Variants in PTPRD observed in about 807,000 individuals in gnomAD.
The protein encoded by PTPRD is receptor-type tyrosine-protein phosphatase delta.
PTPRD carries 34 observed loss-of-function variants against 214.5 expected under a neutral mutation model. The ratio of observed to expected loss-of-function variants is 0.16; its 90% CI spans 0.12 to 0.21. PTPRD has a LOEUF of 0.21. Among genes scored for constraint, PTPRD ranks in the 10% least tolerant of loss-of-function variants. The pLI, the probability that PTPRD is intolerant of heterozygous loss-of-function variation, is 1.00. For missense variants in PTPRD, 2,545 were observed against 2,398.7 expected, an observed-to-expected ratio of 1.06 and a Z score of -1.27; for synonymous variants, 1,128 against 845.7, an observed-to-expected ratio of 1.33 and a Z score of -5.79.
At chr9:10,129,377 A>G (rs1390316444) in intron 3 of PTPRD, among the ~76,000 whole-genome samples, 2 of 152,126 alleles carry the variant, frequency 1.3e-5, no homozygotes, top group Non-Finnish European at 2.9e-5. Context: ...TCTTAATTTC[A>G]AAACTTAATA....
At chr9:8,683,883 G>A (rs1056522600) in intron 12 of PTPRD, among the ~76,000 whole-genome samples, 9 of 152,252 alleles carry the variant, frequency 5.9e-5, no homozygotes, top group Non-Finnish European at 1.2e-4. Context: ...CAACTACTCC[G>A]AAGCTGCCAT....
At chr9:8,815,190 A>G (rs2096896295) in intron 11 of PTPRD, among the ~76,000 whole-genome samples, 1 of 152,074 alleles carries the variant, frequency 6.6e-6, no homozygotes, top group Admixed American at 6.6e-5. Flanking sequence ...TATAGAGTAG[A>G]AGCAGGCATT....
At chr9:10,359,848 T>G (rs529986017) in intron 2 of PTPRD, among the ~76,000 whole-genome samples, 1 of 152,288 alleles carries the variant, frequency 6.6e-6, no homozygotes, top group African/African-American at 2.4e-5. Context: ...TTTTAAAAGT[T>G]GAGATGTAAT....
chr9:9,584,854 C>T (rs1416163134), intron 7 of PTPRD, among the ~76,000 whole-genome samples: 1 of 151,930 alleles, frequency 6.6e-6, no homozygotes, highest in Non-Finnish European at 1.5e-5. Flanking sequence ...AGTCTTCAAG[C>T]TTTATTTTCT....
chr9:9,606,833 A>C (rs996057212), intron 7 of PTPRD, among the ~76,000 whole-genome samples: 2 of 151,844 alleles, frequency 1.3e-5, no homozygotes, highest in African/African-American at 4.8e-5. Context: ...AAGCACACAC[A>C]GATTGTGTCT....
intron 10 of PTPRD, among the ~76,000 whole-genome samples, chr9:9,102,089 T>G (rs949465781): frequency 6.6e-6 from 1 of 152,204 alleles, no homozygotes; most frequent in Non-Finnish European, 1.5e-5. Context: ...TACAGACTCT[T>G]CTTTTAAATG....
chr9:9,882,537 T>C (rs1251812583), intron 5 of PTPRD, among the ~76,000 whole-genome samples: 1 of 152,144 alleles, frequency 6.6e-6, no homozygotes, highest in Non-Finnish European at 1.5e-5. Flanking sequence ...ATAATTTATA[T>C]CCAACCTAAA....
At chr9:9,561,789 C>T (rs1264889784) in intron 8 of PTPRD, among the ~76,000 whole-genome samples, 1 of 152,168 alleles carries the variant, frequency 6.6e-6, no homozygotes, top group African/African-American at 2.4e-5. Flanking sequence ...ACTTTTCTTT[C>T]TCTTTCTATC....
intron 5 of PTPRD, among the ~76,000 whole-genome samples, chr9:9,786,817 T>C (rs889816507): frequency 1.3e-5 from 2 of 152,120 alleles, no homozygotes; most frequent in African/African-American, 2.4e-5. Flanking sequence ...GAGATTCCCA[T>C]CTTAATACTA....
intron 11 of PTPRD, among the ~76,000 whole-genome samples, chr9:8,768,666 A>G (rs1487926025): frequency 1.3e-5 from 2 of 152,230 alleles, no homozygotes; most frequent in African/African-American, 4.8e-5. Flanking sequence ...ACACTACAGA[A>G]GACTACTGTT....
intron 4 of PTPRD, among the ~76,000 whole-genome samples, chr9:9,953,351 G>C (rs909332905): frequency 6.6e-6 from 1 of 151,802 alleles, no homozygotes; most frequent in African/African-American, 2.4e-5. Flanking sequence ...CTACATACTG[G>C]GTACAGTGTA....
intron 8 of PTPRD, among the ~76,000 whole-genome samples, chr9:9,470,565 A>C (rs1569568616): frequency 1.3e-5 from 2 of 152,184 alleles, no homozygotes; most frequent in Admixed American, 6.5e-5. Flanking sequence ...CACTTAGTAA[A>C]AGGGGGAATA....
At chr9:9,863,718 G>T (rs148474640) in intron 5 of PTPRD, among the ~76,000 whole-genome samples, 1 of 151,948 alleles carries the variant, frequency 6.6e-6, no homozygotes, top group South Asian at 2.1e-4. Flanking sequence ...GAGATGAAAA[G>T]AGACATAAGA....
chr9:9,125,542 C>A (rs1309560623), intron 10 of PTPRD, among the ~76,000 whole-genome samples: 1 of 152,142 alleles, frequency 6.6e-6, no homozygotes, highest in African/African-American at 2.4e-5. Context: ...GCCTTCAGGG[C>A]AAGGACTTTA....
intron 11 of PTPRD, among the ~76,000 whole-genome samples, chr9:8,929,564 T>A (rs181468512): frequency 6.6e-6 from 1 of 151,914 alleles, no homozygotes; most frequent in African/African-American, 2.4e-5. Context: ...AGATAAGCTT[T>A]TTGATGTGCT....
At chr9:8,611,160 C>G (rs1339156787) in intron 14 of PTPRD, among the ~76,000 whole-genome samples, 1 of 152,078 alleles carries the variant, frequency 6.6e-6, no homozygotes, top group African/African-American at 2.4e-5. Flanking sequence ...GAATGTTTTT[C>G]TTAATGGTAT....
At chr9:10,430,410 C>G (rs2098666692) in intron 2 of PTPRD, among the ~76,000 whole-genome samples, 1 of 151,528 alleles carries the variant, frequency 6.6e-6, no homozygotes, top group Admixed American at 6.6e-5. Context: ...GTGAGTATGC[C>G]TCTCTATATA....
chr9:9,962,498 A>G (rs10491909), intron 4 of PTPRD, among the ~76,000 whole-genome samples: 12,751 of 152,050 alleles, frequency 0.084, 847 homozygotes, highest in East Asian at 0.36. Flanking sequence ...TTTAAAGCAC[A>G]ATTCACCCAA....
At chr9:9,106,590 C>G (rs1463097352) in intron 10 of PTPRD, among the ~76,000 whole-genome samples, 1 of 107,836 alleles carries the variant, frequency 9.3e-6, no homozygotes, top group Non-Finnish European at 1.7e-5. Flanking sequence ...TTTATATTTG[C>G]TGTTAACCTA....
Sources: allele counts gnomAD v4.1 joint callset (sites outside exome capture counted in the v4.1 genomes callset), GRCh38; gene constraint gnomAD v4.1.1; transcripts MANE v1.5; gene names NCBI Gene and HGNC (gene_info 2026-07-23, HGNC 2026-07-21).